CNTNAP2: variants seen among roughly 807,000 people sequenced by gnomAD.
The protein encoded by CNTNAP2 is contactin-associated protein-like 2.
Under a neutral mutation model 155.2 loss-of-function variants are expected in CNTNAP2, and 98 were observed. That is an observed-to-expected ratio of 0.63 (90% CI 0.54 to 0.75). CNTNAP2 has a LOEUF of 0.75. Among genes scored for constraint, CNTNAP2 ranks in the 30% least tolerant of loss-of-function variants. The pLI is 0.00. For synonymous variants in CNTNAP2, 651 were observed against 631.2 expected (o/e 1.03, Z -0.47); for missense variants, 1,727 against 1,688.1 (o/e 1.02, Z -0.40).
At chr7:147,162,836 T>A (rs902526865) in intron 8 of CNTNAP2, among the ~76,000 whole-genome samples, 1 of 152,206 alleles carries the variant, frequency 6.6e-6, no homozygotes, top group Non-Finnish European at 1.5e-5. Context: ...ATATTAATAA[T>A]GTTTCTCAGC....
chr7:147,889,428 T>A (rs1234292385), intron 13 of CNTNAP2, among the ~76,000 whole-genome samples: 2 of 151,748 alleles, frequency 1.3e-5, no homozygotes, highest in African/African-American at 2.4e-5. Context: ...AGAAAGATGA[T>A]AGAAAACAAG....
chr7:147,114,487 G>A (rs1469563870), intron 5 of CNTNAP2, among the ~76,000 whole-genome samples: 1 of 152,062 alleles, frequency 6.6e-6, no homozygotes, highest in Admixed American at 6.6e-5. Context: ...TATGAATCTG[G>A]GTGCTCCTGT....
intron 21 of CNTNAP2, among the ~76,000 whole-genome samples, chr7:148,323,058 A>G (rs1368992166): frequency 6.6e-6 from 1 of 151,936 alleles, no homozygotes; most frequent in African/African-American, 2.4e-5. Context: ...TATAATCACC[A>G]TAATACCTGG....
chr7:148,209,298 CTTTTTT>C (rs11371612), intron 18 of CNTNAP2, among the ~76,000 whole-genome samples: 3 of 130,452 alleles, frequency 2.3e-5, no homozygotes, highest in Non-Finnish European at 4.8e-5. Context: ...TCTTTTCTTC[CTTTTTT>C]TTTTTTTTTT....
intron 1 of CNTNAP2, among the ~76,000 whole-genome samples, chr7:146,195,415 A>G (rs1798761393): frequency 6.6e-6 from 1 of 152,200 alleles, no homozygotes; most frequent in Non-Finnish European, 1.5e-5. Flanking sequence ...CTAAACAGTG[A>G]CTGACACAGT....
At chr7:147,022,607 G>GT (rs147330335) in intron 3 of CNTNAP2, among the ~76,000 whole-genome samples, 53,953 of 134,334 alleles carry the variant, frequency 0.4, 9,827 homozygotes, top group South Asian at 0.46. Context: ...ACAAACACAT[G>GT]GTTTTTTTTT....
chr7:146,283,652 T>C (rs1483035620), intron 1 of CNTNAP2, among the ~76,000 whole-genome samples: 1 of 152,234 alleles, frequency 6.6e-6, no homozygotes, highest in Non-Finnish European at 1.5e-5. Flanking sequence ...AAATGAAATA[T>C]GGGAAGAAAA....
intron 11 of CNTNAP2, among the ~76,000 whole-genome samples, chr7:147,556,869 AGGAAACTCATAC>A (rs2116776070): frequency 6.6e-6 from 1 of 152,326 alleles, no homozygotes; most frequent in Non-Finnish European, 1.5e-5. Flanking sequence ...GAGCAGCAAG[AGGAAACTCATAC>A]AATAGTACTT....
Position 147,562,032 on chromosome 7 carries a change from A to G in CNTNAP2, c.1778-106A>G, listed in dbSNP as rs73464944. On this transcript the variant is annotated intron_variant, in intron 11 of 23. Coordinates refer to ENST00000361727, the MANE Select transcript of CNTNAP2 (RefSeq NM_014141.6). The stretch of plus-strand genomic sequence containing the variant: ...AAGAACGCTCTTTCCAGGAAGAACT[A>G]CTCCTAACTAGTGGTTTGCTAGCAT... 2.6e-3 allele frequency: 3,705 copies of G among 1,403,754 alleles called. 95 individuals carry two copies. The African/African-American group carries it at 0.046, about 17-fold the overall frequency. The allele number at this position is 1,403,754 out of a possible 1,614,324, so 87.0% of individuals were successfully genotyped here. A position where few individuals can be genotyped will look rare whatever the true frequency, so the allele number is the denominator to read the frequency against.
At chr7:146,999,632 G>GA (rs1798383873) in intron 3 of CNTNAP2, among the ~76,000 whole-genome samples, 1 of 151,806 alleles carries the variant, frequency 6.6e-6, no homozygotes, top group Non-Finnish European at 1.5e-5. Context: ...TCTTATTTCT[G>GA]AAAAACAGCT....
At chr7:146,467,338 A>G (rs12703816) in intron 1 of CNTNAP2, among the ~76,000 whole-genome samples, 2 of 152,196 alleles carry the variant, frequency 1.3e-5, no homozygotes, top group African/African-American at 2.4e-5. Context: ...TGATTTCAGT[A>G]TCTCTAAGTA....
intron 1 of CNTNAP2, among the ~76,000 whole-genome samples, chr7:146,215,107 T>G (rs1421676631): frequency 6.6e-6 from 1 of 152,164 alleles, no homozygotes; most frequent in African/African-American, 2.4e-5. Flanking sequence ...GAAAGGAAAT[T>G]TTTAGCTATA....
chr7:146,737,008 G>T (rs572940593), intron 1 of CNTNAP2, among the ~76,000 whole-genome samples: 1 of 152,010 alleles, frequency 6.6e-6, no homozygotes, highest in African/African-American at 2.4e-5. Context: ...ACTTTCTATT[G>T]TGAAAGGAAT....
intron 9 of CNTNAP2, among the ~76,000 whole-genome samples, chr7:147,382,179 G>T (rs1408120447): frequency 6.6e-6 from 1 of 152,032 alleles, no homozygotes; most frequent in Non-Finnish European, 1.5e-5. Flanking sequence ...AAAAGATCCT[G>T]GGCATTTTCA....
At chr7:146,449,827 A>G (rs73460791) in intron 1 of CNTNAP2, among the ~76,000 whole-genome samples, 5,216 of 152,240 alleles carry the variant, frequency 0.034, 275 homozygotes, top group African/African-American at 0.12. Context: ...ACAGATTTCA[A>G]TCAGTGATGA....
chr7:147,248,967 T>A (rs1316977765), intron 8 of CNTNAP2, among the ~76,000 whole-genome samples: 2 of 152,022 alleles, frequency 1.3e-5, no homozygotes, highest in Non-Finnish European at 2.9e-5. Flanking sequence ...GGTCCACTGA[T>A]CTATGGGAGA....
At chr7:146,277,040 A>G (rs1045353828) in intron 1 of CNTNAP2, among the ~76,000 whole-genome samples, 1 of 152,156 alleles carries the variant, frequency 6.6e-6, no homozygotes, top group Non-Finnish European at 1.5e-5. Flanking sequence ...CATAAATCCA[A>G]TGAGCGTGTC....
intron 10 of CNTNAP2, among the ~76,000 whole-genome samples, chr7:147,414,751 C>A (rs1257164920): frequency 2.0e-5 from 3 of 151,758 alleles, no homozygotes; most frequent in African/African-American, 4.8e-5. Flanking sequence ...ACTATCCTGG[C>A]TAACAAGGTG....
chr7:147,607,011 C>T (rs1801081607), intron 12 of CNTNAP2, among the ~76,000 whole-genome samples: 1 of 152,018 alleles, frequency 6.6e-6, no homozygotes, highest in Non-Finnish European at 1.5e-5. Context: ...ATTTTAGTCC[C>T]TTTGAATATG....
Sources: allele counts gnomAD v4.1 joint callset (sites outside exome capture counted in the v4.1 genomes callset), GRCh38; gene constraint gnomAD v4.1.1; transcripts MANE v1.5; gene names NCBI Gene and HGNC (gene_info 2026-07-23, HGNC 2026-07-21).